Variants in TNKS1BP1 observed in about 807,000 individuals in gnomAD.
The protein encoded by TNKS1BP1 is CCR4-NOT transcription complex subunit 12.
Under a neutral mutation model 141.1 loss-of-function variants are expected in TNKS1BP1, and 48 were observed. The ratio of observed to expected loss-of-function variants is 0.34; its 90% confidence interval spans 0.27 to 0.43. The LOEUF (loss-of-function observed/expected upper bound fraction) is 0.43, where lower values mean the gene tolerates loss of function less well. TNKS1BP1 is among the 20% of genes least tolerant of loss of function. The pLI, the probability that TNKS1BP1 is intolerant of heterozygous loss-of-function variation, is 1.00. For missense variants in TNKS1BP1, 2,149 were observed against 2,226.0 expected, an observed-to-expected ratio of 0.97 and a Z score of 0.70; for synonymous variants, 875 against 898.2, an observed-to-expected ratio of 0.97 and a Z score of 0.46.
intron 2 of TNKS1BP1, 69 bp from the exon 3 acceptor site, chr11:57,320,781 G>A: frequency 6.8e-7 from 1 of 1,461,342 alleles, no homozygotes; most frequent in Non-Finnish European, 9.0e-7. Context: ...TTTGTTTCCT[G>A]TTCCACCTCA....
In TNKS1BP1 at chr11:57,309,513, T is replaced by G. The variant is rs1259993380; in HGVS notation, c.3198A>C (p.Ala1066=). 6.2e-7 allele frequency: 1 copy of G among 1,613,808 alleles called. No homozygotes were observed. Among genetic ancestry groups the G allele is most frequent in the Admixed American group, 1.7e-5 (1 of 60,030 alleles). Residue 1066 remains alanine (A), a synonymous_variant, in exon 6 of 12, where the codon GCA becomes GCC. Coordinates refer to ENST00000358252, the MANE Select transcript of TNKS1BP1 (RefSeq NM_033396.3). This position sits in a 1 kb window ranked among gnomAD's most constrained non-coding sequence, Gnocchi z 4.3. The stretch of plus-strand genomic sequence containing the variant: ...CAGCACTGCCAGGGCCCTGAGCCCC[T>G]GCCTGCTGTCTCTCCTGATGCCCTC... ...EVGGHQERQQ[A]GAQGPGSADL...
chr11:57,312,757 A>G lies in TNKS1BP1; in HGVS notation c.1931T>C (p.Leu644Pro), dbSNP rs772990613. Residue 644 changes from leucine (L) to proline (P), a missense_variant, in exon 5 of 12, where the codon CTG becomes CCG. By Grantham distance (98) the Leu-to-Pro change is moderately conservative. Transcript: ENST00000358252. ...FADAPEPGQA[L>P]PVEEEAVTLA... is the part of the protein sequence containing the mutation. ...GGTCACGGCCTCCTCCTCAACAGGC[A>G]GTGCCTGTCCAGGCTCAGGGGCATC... The G allele has an allele frequency of 1.9e-6, 3 of 1,598,744 alleles. No homozygotes were observed. The highest frequency in any genetic ancestry group is 1.3e-5 in the African/African-American group (1 of 74,684).
chr11:57,301,124 G>A (rs1296533490), intron 9 of TNKS1BP1, 83 bp from the exon 10 acceptor site: 13 of 1,395,428 alleles, frequency 9.3e-6, no homozygotes, highest in African/African-American at 1.4e-5. Flanking sequence ...TCTCAAGAGT[G>A]TGCAGTCCCC....
intron 1 of TNKS1BP1, among the ~76,000 whole-genome samples, chr11:57,323,723 G>A (rs1386528480): frequency 1.3e-5 from 2 of 152,202 alleles, no homozygotes; most frequent in Non-Finnish European, 2.9e-5. Flanking sequence ...CAGGCCAAGT[G>A]TGGTGGGGGG....
chr11:57,306,457 C>G (rs1855612315), intron 6 of TNKS1BP1, among the ~76,000 whole-genome samples: 1 of 152,184 alleles, frequency 6.6e-6, no homozygotes, highest in African/African-American at 2.4e-5. Flanking sequence ...TGTACGGCCA[C>G]AGAGTACCCA....
chr11:57,313,267 T>C lies in TNKS1BP1; in HGVS notation c.1421A>G (p.Gln474Arg). Residue 474 changes from glutamine to arginine, a missense_variant, in exon 5 of 12, where the codon CAG becomes CGG. Gln to Arg is a conservative substitution (Grantham distance 43). Transcript: ENST00000358252. Reference protein sequence around the residue: ...FGAESNWSLSQSFEWTFPTRP... With the variant: ...FGAESNWSLSRSFEWTFPTRP... The stretch of plus-strand genomic sequence containing the variant: ...CGTGGGGAAGGTCCATTCGAAGGAC[T>C]GTGATAAGCTCCAGTTGGACTCTGC... 6.2e-7 allele frequency: 1 copy of C among 1,612,980 alleles called. No homozygotes were observed. The highest frequency in any genetic ancestry group is 8.5e-7 in the Non-Finnish European group (1 of 1,180,006).
chr11:57,322,828 C>T (rs950805858), intron 1 of TNKS1BP1, among the ~76,000 whole-genome samples: 1 of 152,168 alleles, frequency 6.6e-6, no homozygotes, highest in African/African-American at 2.4e-5. Context: ...CAGCCACAGC[C>T]TATGTATGAA....
Position 57,302,380 on chromosome 11 carries a change from G to T in TNKS1BP1, c.4683+79C>A. ...GCTTTCTGCCTCCTGGACTGGGACTGCTCAGGGAAGCTCCAGGAATGGGGC... is the reference window on the plus strand; with the variant it reads ...GCTTTCTGCCTCCTGGACTGGGACTTCTCAGGGAAGCTCCAGGAATGGGGC... On this transcript the variant is annotated intron_variant, in intron 7 of 11. Transcript: ENST00000358252. This position sits in a 1 kb window ranked among gnomAD's most constrained non-coding sequence, Gnocchi z 5.5. The T allele has an allele frequency of 1.3e-6, 2 of 1,543,150 alleles. No individual in the cohort carries two copies. Among genetic ancestry groups the T allele is most frequent in the Non-Finnish European group, 1.8e-6 (2 of 1,142,190 alleles).
In TNKS1BP1 at chr11:57,312,777, G is replaced by A. The variant is rs1450396843; in HGVS notation, c.1911C>T (p.Ala637=). The A allele has an allele frequency of 1.2e-6, 2 of 1,608,270 alleles. No homozygotes were observed. Among genetic ancestry groups the A allele is most frequent in the Non-Finnish European group, 8.5e-7 (1 of 1,176,702 alleles). Residue 637 remains alanine (A), a synonymous_variant, in exon 5 of 12, where the codon GCC becomes GCT. Coordinates refer to ENST00000358252, the MANE Select transcript of TNKS1BP1 (RefSeq NM_033396.3). The part of the protein sequence containing the change: ...PDQPCVLFAD[A]PEPGQALPVE... ...CAGGCAGTGCCTGTCCAGGCTCAGGGGCATCAGCAAAGAGAACACAGGGCT... is the reference window on the plus strand; with the variant it reads ...CAGGCAGTGCCTGTCCAGGCTCAGGAGCATCAGCAAAGAGAACACAGGGCT...
rs771200193 is a variant in TNKS1BP1, at chr11:57,312,799, G to A, written c.1889C>T (p.Pro630Leu). The change falls in exon 5 of 12, where the codon CCC becomes CTC. Residue 630 changes from proline to leucine, a missense_variant. Physicochemically the swap from Pro to Leu is moderately conservative, Grantham distance 98 (BLOSUM62 -3). Coordinates refer to ENST00000358252, the MANE Select transcript of TNKS1BP1 (RefSeq NM_033396.3). ...AGGGGCATCAGCAAAGAGAACACAGGGCTGGTCAGGGGCTGCTGGCTGCTC... is the reference window on the plus strand; with the variant it reads ...AGGGGCATCAGCAAAGAGAACACAGAGCTGGTCAGGGGCTGCTGGCTGCTC... ...GQEQPAAPDQPCVLFADAPEP... is the reference protein window; with the variant it reads ...GQEQPAAPDQLCVLFADAPEP... 5 of 1,611,846 alleles carry A rather than the reference G, an allele frequency of 3.1e-6. No individual in the cohort carries two copies. Among genetic ancestry groups the A allele is most frequent in the East Asian group, 2.2e-5 (1 of 44,838 alleles).
At chr11:57,304,826 C>G (rs750827969) in intron 6 of TNKS1BP1, among the ~76,000 whole-genome samples, 8 of 146,956 alleles carry the variant, frequency 5.4e-5, no homozygotes, top group Admixed American at 5.4e-4. Context: ...GAGCCAAGAC[C>G]GCGCCACTGC....
In TNKS1BP1 at chr11:57,312,670, G is replaced by A; in HGVS notation, c.2018C>T (p.Pro673Leu). 1 of 1,585,874 alleles carries A rather than the reference G, an allele frequency of 6.3e-7. No individual in the cohort carries two copies. The change falls in exon 5 of 12, where the codon CCC becomes CTC. Residue 673 changes from proline (P) to leucine (L), a missense_variant. Pro to Leu is a moderately conservative substitution (Grantham distance 98). Coordinates refer to ENST00000358252, the MANE Select transcript of TNKS1BP1 (RefSeq NM_033396.3). The part of the protein sequence containing the change: ...TEAQDLCRAS[P>L]EPPGPESSSR... ...GCTGCTTTCAGGGCCTGGAGGCTCG[G>A]GGGATGCCCTACACAAGTCTTGAGC...
chr11:57,321,754 CT>C, intron 2 of TNKS1BP1, 37 bp downstream of exon 2: 6 of 1,551,920 alleles, frequency 3.9e-6, no homozygotes, highest in African/African-American at 1.4e-5. Context: ...TCCCACCCCC[CT>C]CCCAGCCACC....
At chr11:57,300,205 A>C (rs1220066318) in intron 11 of TNKS1BP1, 124 bp from the exon 12 acceptor site, 9 of 284,742 alleles carry the variant, frequency 3.2e-5, no homozygotes, top group Non-Finnish European at 5.9e-5. Context: ...AAGTGCCCAC[A>C]GGGTCCCAGA....
intron 10 of TNKS1BP1, 70 bp from the exon 11 acceptor site, chr11:57,300,670 A>G: frequency 6.2e-7 from 1 of 1,600,812 alleles, no homozygotes; most frequent in East Asian, 2.2e-5. Flanking sequence ...GAGACGTGAT[A>G]GGGACAGAAA....
intron 6 of TNKS1BP1, among the ~76,000 whole-genome samples, chr11:57,307,258 C>T (rs1370387448): frequency 6.6e-6 from 1 of 152,038 alleles, no homozygotes; most frequent in Non-Finnish European, 1.5e-5. Context: ...GGCTCAGAGC[C>T]CAGCAACCTG....
intron 9 of TNKS1BP1, among the ~76,000 whole-genome samples, 169 bp from the exon 10 acceptor site, chr11:57,301,210 G>A (rs1855519785): frequency 6.6e-6 from 1 of 152,142 alleles, no homozygotes; most frequent in Admixed American, 6.5e-5. Context: ...ACTTCCCGCA[G>A]AACTGAGCTA....
intron 5 of TNKS1BP1, among the ~76,000 whole-genome samples, chr11:57,312,137 A>AT (rs35343372): frequency 0.036 from 5,419 of 152,214 alleles, 150 homozygotes; most frequent in Non-Finnish European, 0.047. Context: ...TGGCTACACT[A>AT]TTTTGCCTTG....
chr11:57,314,130 A>G (rs1345655137), intron 4 of TNKS1BP1, among the ~76,000 whole-genome samples: 1 of 152,188 alleles, frequency 6.6e-6, no homozygotes, highest in African/African-American at 2.4e-5. Context: ...TTCACAAAGC[A>G]TAATTCCTTT....
Sources: gnomAD v4.1 joint callset for allele counts (sites outside exome capture counted in the v4.1 genomes callset) on GRCh38, gnomAD v4.1.1 for gene constraint, Gnocchi (gnomAD v3.1) non-coding constraint, MANE v1.5 for transcripts, NCBI Gene and HGNC (gene_info 2026-07-23, HGNC 2026-07-21) for gene names.